Variants in MAX observed in about 807,000 individuals in gnomAD.
The protein encoded by MAX is protein max.
A neutral mutation model predicts 22.3 loss-of-function variants in MAX; 3 were observed. That is an observed-to-expected ratio of 0.13 (90% CI 0.06 to 0.35). MAX has a LOEUF of 0.35. MAX is among the 10% of genes least tolerant of loss of function. The pLI, the probability that MAX is intolerant of heterozygous loss-of-function variation, is 1.00. For missense variants in MAX, 119 were observed against 209.4 expected, an observed-to-expected ratio of 0.57 and a Z score of 2.66; for synonymous variants, 72 against 77.7, an observed-to-expected ratio of 0.93 and a Z score of 0.39.
Position 65,093,995 on chromosome 14 carries a change from A to C in MAX, c.64-180T>G. 1 of 663,228 alleles carries C rather than the reference A, an allele frequency of 1.5e-6. No individual in the cohort carries two copies. The allele number at this position is 663,228 out of a possible 1,614,324, so 41.1% of individuals were successfully genotyped here. A position where few individuals can be genotyped will look rare whatever the true frequency, so the allele number is the denominator to read the frequency against. ...AATTAGGCTCTGCTAAAGGGGGAGA[A>C]AGGGGTGAGCAACGCTTGCGACAGG... On this transcript the variant is annotated intron_variant, in intron 2 of 4. Coordinates refer to ENST00000358664, the MANE Select transcript of MAX (RefSeq NM_002382.5). This position sits in a 1 kb window ranked among gnomAD's most constrained non-coding sequence, Gnocchi z 4.4.
Position 65,049,614 on chromosome 14 carries a change from T to TATA in MAX, c.172-43333_172-43331dup, listed in dbSNP as rs1198708481. ...AATATAGGAAGTCACTGAAACAGTC[T>TATA]ATAGTTTTTTATATAATAAACATAG... On this transcript the variant is annotated intron_variant, in intron 3 of 3. Coordinates refer to the MAX transcript ENST00000341653. 7.2e-5 allele frequency among the ~76,000 whole-genome samples: 11 copies of TATA among 152,320 alleles called. No homozygotes were observed. The East Asian group carries it at 2.1e-3, about 29-fold the overall frequency.
chr14:65,040,196 C>A (rs2062312781), intron 3 of MAX, among the ~76,000 whole-genome samples: 1 of 151,546 alleles, frequency 6.6e-6, no homozygotes, highest in Non-Finnish European at 1.5e-5. Context: ...AATAAAAGAT[C>A]ACTAGAATCA....
chr14:65,069,067 G>T lies in MAX; in HGVS notation c.171+24641C>A, dbSNP rs532694552. Among the ~76,000 whole-genome samples the T allele has an allele frequency of 6.6e-6, 1 of 152,108 alleles. No individual in the cohort carries two copies. Among genetic ancestry groups the T allele is most frequent in the Non-Finnish European group, 1.5e-5 (1 of 68,032 alleles). ...TAAGGCAGATGCCGATGGTGATGAC[G>T]TAAGTGCTAGGTGTCCATGCTCCTT... On this transcript the variant is annotated intron_variant, in intron 3 of 3. Coordinates refer to the MAX transcript ENST00000341653. This position sits in a 1 kb window ranked among gnomAD's most constrained non-coding sequence, Gnocchi z 4.6.
chr14:65,059,734 T>C (rs1211073099), intron 3 of MAX, among the ~76,000 whole-genome samples: 2 of 152,060 alleles, frequency 1.3e-5, no homozygotes, highest in African/African-American at 2.4e-5. Context: ...TGTGATGTAC[T>C]AGAATAACAT....
intron 1 of MAX, 87 bp downstream of exon 1, chr14:65,102,217 C>A: frequency 1.9e-6 from 3 of 1,585,076 alleles, no homozygotes; most frequent in Non-Finnish European, 2.6e-6. Flanking sequence ...GGCAGCCCGG[C>A]CCCCTCCCGC....
rs574815114 is a variant in MAX at position 65,052,717 on chromosome 14, G to A, written c.171+40991C>T. Among the ~76,000 whole-genome samples the A allele has an allele frequency of 8.7e-4, 133 of 152,348 alleles. 3 individuals carry two copies. The South Asian group carries it at 0.024, about 28-fold the overall frequency. ...GTTTCTTAGGTAAATTCTTTGAGCT[G>A]AGAGACAAGTTAGAGAATTCCCTTT... On this transcript the variant is annotated intron_variant, in intron 3 of 3. Coordinates refer to the MAX transcript ENST00000341653.
Position 65,023,308 on chromosome 14 carries a change from C to T in MAX, c.172-17024G>A, listed in dbSNP as rs2061921362. Among the ~76,000 whole-genome samples the T allele has an allele frequency of 1.3e-5, 2 of 152,272 alleles. No homozygotes were observed. The highest frequency in any genetic ancestry group is 6.8e-3 in the Middle Eastern group (2 of 294). ...TCCTGAGCTCAAGTGATCCCCCTCA[C>T]CTCAGCCAAAGTGCTGGGATTACAG... On this transcript the variant is annotated intron_variant, in intron 3 of 3. Transcript: ENST00000341653. The surrounding 1 kb of genome is among the most constrained non-coding windows in gnomAD (Gnocchi z 4.1).
downstream of MAX, among the ~76,000 whole-genome samples, chr14:65,071,927 C>T (rs1328771771): frequency 4.6e-5 from 7 of 152,346 alleles, no homozygotes; most frequent in East Asian, 1.3e-3. This position sits in a 1 kb window ranked among gnomAD's most constrained non-coding sequence, Gnocchi z 4.2. Context: ...AGGAAGTTAA[C>T]TAGAAACTAT....
At position 65,047,970 on chromosome 14, in the gene MAX, CTT is replaced by C. The variant is rs1192071749; in HGVS notation, c.172-41688_172-41687del. Among the ~76,000 whole-genome samples, 1 of 138,350 alleles carries C rather than the reference CTT, an allele frequency of 7.2e-6. No individual in the cohort carries two copies. Among genetic ancestry groups the C allele is most frequent in the Non-Finnish European group, 1.5e-5 (1 of 64,864 alleles). The allele number at this position is 138,350 out of a possible 152,430, so 90.8% of individuals were successfully genotyped here. A position where few individuals can be genotyped will look rare whatever the true frequency, so the allele number is the denominator to read the frequency against. ...CAGACAGAAGACAGAAGGAGGGAGA[CTT>C]TTTAGATTTTTTTTTTTTTTTTTTT... On this transcript the variant is annotated intron_variant, in intron 3 of 3. Coordinates refer to the MAX transcript ENST00000341653. The surrounding 1 kb of genome is among the most constrained non-coding windows in gnomAD (Gnocchi z 5.2).
rs78188263 is a variant in MAX at position 65,053,690 on chromosome 14, T to C, written c.171+40018A>G. ...TACAGGATTTTAAAACCCCTCAGTG[T>C]TGTAAACAGAGACTGTAATCATGAC... On this transcript the variant is annotated intron_variant, in intron 3 of 3. Transcript: ENST00000341653. Among the ~76,000 whole-genome samples, 938 of 152,200 alleles carry C rather than the reference T, an allele frequency of 6.2e-3. 11 individuals are homozygous for C. Among genetic ancestry groups the C allele is most frequent in the African/African-American group, 0.021 (887 of 41,510 alleles).
In MAX at chr14:65,102,499, C is replaced by T. The variant is rs1832400927; in HGVS notation, c.-160G>A. The T allele has an allele frequency of 6.7e-7, 1 of 1,486,130 alleles. No homozygotes were observed. Among genetic ancestry groups the T allele is most frequent in the African/African-American group, 1.4e-5 (1 of 72,274 alleles). 92.1% of individuals were successfully genotyped at this position (1,486,130 alleles called of 1,614,324 possible). A position where few individuals can be genotyped will look rare whatever the true frequency, so the allele number is the denominator to read the frequency against. On this transcript the variant is annotated 5_prime_UTR_variant, in exon 1 of 5. Transcript: ENST00000358664. ...CACTCACACACACACACAACACGGG[C>T]AAGAACCACCTCCTCACTGCAGCAC... is the stretch of plus-strand genomic sequence containing the variant.
chr14:65,061,334 C>G, intron 3 of MAX: 1 of 1,612,994 alleles, frequency 6.2e-7, no homozygotes, highest in African/African-American at 1.3e-5. Flanking sequence ...CCCGGCAGCT[C>G]TTTGCTCACC....
intron 3 of MAX, among the ~76,000 whole-genome samples, chr14:65,048,336 A>C (rs1370035503): frequency 6.6e-6 from 1 of 152,010 alleles, no homozygotes; most frequent in African/African-American, 2.4e-5. Flanking sequence ...AAAAAAAAAA[A>C]AACCATGTGC....
chr14:65,031,699 T>G lies in MAX; in HGVS notation c.172-25415A>C, dbSNP rs535924125. On this transcript the variant is annotated intron_variant, in intron 3 of 3. Coordinates refer to the MAX transcript ENST00000341653. The surrounding 1 kb of genome is among the most constrained non-coding windows in gnomAD (Gnocchi z 4.6). The stretch of plus-strand genomic sequence containing the variant: ...ACTTTGGGAGGCCAAGGCAGGTGGA[T>G]TGCTTGAGGTCAGGAGTTTGAAACC... Among the ~76,000 whole-genome samples, 7 of 152,196 alleles carry G rather than the reference T, an allele frequency of 4.6e-5. No individual in the cohort carries two copies. In the South Asian group the frequency reaches 1.5e-3, roughly 32 times the overall value.
chr14:65,057,238 T>C (rs1361959821), intron 3 of MAX, among the ~76,000 whole-genome samples: 1 of 152,144 alleles, frequency 6.6e-6, no homozygotes, highest in Non-Finnish European at 1.5e-5. Flanking sequence ...ATCCAAACCA[T>C]AGCATTTTGT....
At chr14:65,050,485 G>A (rs1198310614) in intron 3 of MAX, among the ~76,000 whole-genome samples, 2 of 152,164 alleles carry the variant, frequency 1.3e-5, no homozygotes, top group African/African-American at 4.8e-5. Context: ...AAGGTACTCA[G>A]GAGGCTGAGA....
At position 65,028,529 on chromosome 14, in the gene MAX, G is replaced by T. The variant is rs2062024028; in HGVS notation, c.172-22245C>A. Among the ~76,000 whole-genome samples, 1 of 152,184 alleles carries T rather than the reference G, an allele frequency of 6.6e-6. No homozygotes were observed. The highest frequency in any genetic ancestry group is 1.9e-4 in the East Asian group (1 of 5,202). On this transcript the variant is annotated intron_variant, in intron 3 of 3. Coordinates refer to the MAX transcript ENST00000341653. This position sits in a 1 kb window ranked among gnomAD's most constrained non-coding sequence, Gnocchi z 4.4. ...TTACTGCCTATGTGTAAATGGGTTT[G>T]CTTCTACACAAGTTGATTAATAGTC...
intron 3 of MAX, among the ~76,000 whole-genome samples, chr14:65,040,197 A>G (rs2062312851): frequency 6.6e-6 from 1 of 151,752 alleles, no homozygotes. Flanking sequence ...ATAAAAGATC[A>G]CTAGAATCAA....
chr14:65,074,787 A>T (rs1428457050), downstream of MAX, among the ~76,000 whole-genome samples: 3 of 152,230 alleles, frequency 2.0e-5, no homozygotes, highest in Non-Finnish European at 2.9e-5. Context: ...GGCACTCATT[A>T]CCAGGAGAAC....
Sources: allele counts gnomAD v4.1 joint callset (sites outside exome capture counted in the v4.1 genomes callset), GRCh38; gene constraint gnomAD v4.1.1; non-coding constraint Gnocchi (gnomAD v3.1); transcripts MANE v1.5; gene names NCBI Gene and HGNC (gene_info 2026-07-23, HGNC 2026-07-21).